Variants in MECOM observed in about 807,000 individuals in gnomAD.
MECOM encodes histone-lysine N-methyltransferase MECOM.
MECOM carries 13 observed loss-of-function variants against 116.3 expected under a neutral mutation model. The observed-to-expected ratio is 0.11, with a 90% CI of 0.07 to 0.18. The LOEUF (loss-of-function observed/expected upper bound fraction) is 0.18, where lower values mean the gene tolerates loss of function less well. Among genes scored for constraint, MECOM ranks in the 10% least tolerant of loss-of-function variants. MECOM has a pLI of 1.00. For missense variants in MECOM, 1,299 were observed against 1,509.0 expected (o/e 0.86, Z 2.31); for synonymous variants, 528 against 535.2 (o/e 0.99, Z 0.19).
At chr3:169,199,290 T>G (rs146995689) in intron 2 of MECOM, among the ~76,000 whole-genome samples, 1 of 152,190 alleles carries the variant, frequency 6.6e-6, no homozygotes, top group Non-Finnish European at 1.5e-5. Flanking sequence ...CTGAGTAGAT[T>G]TCCTGATGAT....
At chr3:169,458,574 C>G (rs371189184) in intron 1 of MECOM, among the ~76,000 whole-genome samples, 1 of 152,210 alleles carries the variant, frequency 6.6e-6, no homozygotes, top group Non-Finnish European at 1.5e-5. Context: ...ATTTATGCAA[C>G]CTGGGTGCAC....
intron 1 of MECOM, among the ~76,000 whole-genome samples, chr3:169,467,661 C>T (rs1247378413): frequency 2.6e-5 from 4 of 152,194 alleles, no homozygotes; most frequent in Non-Finnish European, 5.9e-5. Context: ...TTTGTAGTCT[C>T]CTACCGCTGG....
chr3:169,378,617 T>C lies in MECOM; in HGVS notation c.375+2570A>G, dbSNP rs533509347. ...AAGTAAGTTTGGGGACTTAATACAA[T>C]ATGGAAACCATCAATTAGACATGGT... On this transcript the variant is annotated intron_variant, in intron 2 of 16. Transcript: ENST00000651503. Among the ~76,000 whole-genome samples, 5 of 151,306 alleles carry C rather than the reference T, an allele frequency of 3.3e-5. No homozygotes were observed. In the South Asian group the frequency reaches 6.3e-4, roughly 19 times the overall value.
At chr3:169,321,756 C>G (rs1427659056) in intron 2 of MECOM, among the ~76,000 whole-genome samples, 1 of 152,050 alleles carries the variant, frequency 6.6e-6, no homozygotes, top group African/African-American at 2.4e-5. Flanking sequence ...CAAACATGAA[C>G]AGCAGTACAG....
intron 2 of MECOM, among the ~76,000 whole-genome samples, chr3:169,278,755 A>G (rs1759917042): frequency 6.6e-6 from 1 of 152,240 alleles, no homozygotes; most frequent in South Asian, 2.1e-4. Context: ...GTCCAAAGGG[A>G]GCAATGAAGG....
intron 2 of MECOM, among the ~76,000 whole-genome samples, chr3:169,294,625 C>A (rs1282576975): frequency 6.6e-6 from 1 of 152,196 alleles, no homozygotes; most frequent in East Asian, 1.9e-4. Context: ...CAACCAAATA[C>A]AGCTCAAGGC....
intron 2 of MECOM, among the ~76,000 whole-genome samples, chr3:169,325,801 A>G (rs961008004): frequency 6.6e-6 from 1 of 152,216 alleles, no homozygotes; most frequent in African/African-American, 2.4e-5. Flanking sequence ...GCCAGATGTG[A>G]GATACTTCAT....
At chr3:169,648,849 G>A (rs879553200) in intron 1 of MECOM, among the ~76,000 whole-genome samples, 19 of 152,214 alleles carry the variant, frequency 1.2e-4, no homozygotes, top group Non-Finnish European at 2.5e-4. Flanking sequence ...TGGAAACCAT[G>A]GAGACTTCAG....
intron 2 of MECOM, among the ~76,000 whole-genome samples, chr3:169,317,149 C>T (rs914629947): frequency 1.3e-5 from 2 of 152,172 alleles, no homozygotes; most frequent in African/African-American, 4.8e-5. Context: ...AGCAATATTA[C>T]TGGCTTAGAG....
At chr3:169,612,388 G>A (rs1425662181) in intron 1 of MECOM, among the ~76,000 whole-genome samples, 1 of 152,160 alleles carries the variant, frequency 6.6e-6, no homozygotes. Flanking sequence ...AAAGGAGGGT[G>A]AGCTTGAAGA....
At chr3:169,205,912 C>T (rs1559991002) in intron 2 of MECOM, among the ~76,000 whole-genome samples, 1 of 152,018 alleles carries the variant, frequency 6.6e-6, no homozygotes, top group Non-Finnish European at 1.5e-5. Flanking sequence ...AAATGTTCAC[C>T]CCAAAAAGGA....
chr3:169,146,399 G>C (rs1739929647), intron 2 of MECOM: 2 of 1,393,808 alleles, frequency 1.4e-6, no homozygotes, highest in Non-Finnish European at 1.9e-6. Context: ...GAAACCGACG[G>C]ACAGAGACAC....
At chr3:169,565,475 G>C (rs1763128653) in intron 1 of MECOM, among the ~76,000 whole-genome samples, 2 of 152,176 alleles carry the variant, frequency 1.3e-5, no homozygotes, top group Non-Finnish European at 2.9e-5. Flanking sequence ...GTCTGGGTTT[G>C]CTCTCTCAAG....
At chr3:169,243,227 G>T (rs1488460580) in intron 2 of MECOM, among the ~76,000 whole-genome samples, 6 of 152,104 alleles carry the variant, frequency 3.9e-5, no homozygotes, top group Non-Finnish European at 7.4e-5. Context: ...CCACTATAAA[G>T]TACTCCCCCA....
intron 2 of MECOM, among the ~76,000 whole-genome samples, chr3:169,237,663 A>G (rs1754257302): frequency 6.6e-6 from 1 of 150,820 alleles, no homozygotes; most frequent in South Asian, 2.1e-4. Context: ...TTAAATGAAC[A>G]TATTTGTTGA....
chr3:169,645,248 C>CA (rs1333816985), intron 1 of MECOM, among the ~76,000 whole-genome samples: 2 of 152,202 alleles, frequency 1.3e-5, no homozygotes, highest in Non-Finnish European at 2.9e-5. Flanking sequence ...AGCCCGATCC[C>CA]ACCCTAAAAC....
At chr3:169,629,874 C>T (rs1247826282) in intron 1 of MECOM, among the ~76,000 whole-genome samples, 2 of 152,248 alleles carry the variant, frequency 1.3e-5, no homozygotes, top group Admixed American at 6.5e-5. Context: ...TCAACAACCA[C>T]TGGTGGTCCA....
chr3:169,145,292 A>G, intron 2 of MECOM: 1 of 403,500 alleles, frequency 2.5e-6, no homozygotes, highest in East Asian at 3.8e-5. Context: ...AAATTCTAAA[A>G]ATTTGTTATC....
At chr3:169,524,828 T>C (rs1440171873) in intron 1 of MECOM, among the ~76,000 whole-genome samples, 2 of 152,232 alleles carry the variant, frequency 1.3e-5, no homozygotes, top group Non-Finnish European at 2.9e-5. Flanking sequence ...TCCTTGTGAA[T>C]ACTGTCAGAG....
Sources: gnomAD v4.1 joint callset for allele counts (sites outside exome capture counted in the v4.1 genomes callset) on GRCh38, gnomAD v4.1.1 for gene constraint, MANE v1.5 for transcripts, NCBI Gene and HGNC (gene_info 2026-07-23, HGNC 2026-07-21) for gene names.